The following NCKAP5 variants were observed in gnomAD, a reference collection of about 807,000 sequenced individuals.
NCKAP5 encodes NCK associated protein 5.
In NCKAP5, 92 loss-of-function variants were observed where a neutral mutation model predicts 167.0. The observed-to-expected ratio is 0.55, with a 90% CI of 0.47 to 0.66. NCKAP5 has a LOEUF of 0.66. Ranked by LOEUF, NCKAP5 falls within the 30% of genes least tolerant of loss-of-function variation. NCKAP5 has a pLI of 0.00. For missense variants in NCKAP5, 2,378 were observed against 2,315.0 expected (o/e 1.03, Z -0.56); for synonymous variants, 891 against 877.4 (o/e 1.02, Z -0.27).
chr2:132,822,087 G>A (rs1284845702), intron 11 of NCKAP5, among the ~76,000 whole-genome samples: 1 of 152,112 alleles, frequency 6.6e-6, no homozygotes, highest in Admixed American at 6.5e-5. Flanking sequence ...GCCACCTCCT[G>A]GCTGGAGGCC....
chr2:133,234,775 C>G (rs1248442708), intron 4 of NCKAP5, among the ~76,000 whole-genome samples: 1 of 151,382 alleles, frequency 6.6e-6, no homozygotes, highest in African/African-American at 2.4e-5. Flanking sequence ...AAATAGTTAC[C>G]TAAAGTTTTA....
chr2:132,673,155 C>A lies in NCKAP5; in HGVS notation c.*134G>T, dbSNP rs995936892. On this transcript the variant is annotated 3_prime_UTR_variant, in exon 20 of 20. Coordinates refer to ENST00000409261, the MANE Select transcript of NCKAP5 (RefSeq NM_207363.3). ...GATGTCTCTTCATTTTTTTCTTTTT[C>A]TTCCTTCTGTCCTTCAACCTTGTTC... The A allele has an allele frequency of 1.2e-5, 16 of 1,362,374 alleles. No homozygotes were observed. The East Asian group carries it at 3.7e-4, about 31-fold the overall frequency. 84.4% of individuals were successfully genotyped at this position (1,362,374 alleles called of 1,614,324 possible).
intron 9 of NCKAP5, among the ~76,000 whole-genome samples, chr2:132,876,175 C>T (rs913311297): frequency 6.6e-6 from 1 of 152,168 alleles, no homozygotes; most frequent in Non-Finnish European, 1.5e-5. Context: ...GCCTCGACCT[C>T]CTGGGCCCAA....
At chr2:132,748,413 A>C (rs746395233) in intron 16 of NCKAP5, among the ~76,000 whole-genome samples, 1 of 152,226 alleles carries the variant, frequency 6.6e-6, no homozygotes, top group Non-Finnish European at 1.5e-5. Context: ...TCACTCCTGG[A>C]GTGGAAATGT....
intron 8 of NCKAP5, among the ~76,000 whole-genome samples, chr2:132,955,358 T>A (rs528111967): frequency 1.5e-3 from 229 of 152,148 alleles, no homozygotes; most frequent in African/African-American, 4.9e-3. Flanking sequence ...TGGGCACATG[T>A]GGGAAGGGCC....
intron 8 of NCKAP5, among the ~76,000 whole-genome samples, chr2:132,906,075 T>C (rs961913140): frequency 2.0e-5 from 3 of 152,238 alleles, no homozygotes; most frequent in Admixed American, 6.5e-5. Flanking sequence ...TTAAAAATTA[T>C]ACATTTAGTT....
intron 3 of NCKAP5, among the ~76,000 whole-genome samples, chr2:133,377,093 T>C (rs1307973420): frequency 6.6e-6 from 1 of 152,188 alleles, no homozygotes; most frequent in East Asian, 1.9e-4. Flanking sequence ...CAGATGAGTG[T>C]CTTGTCTGGT....
intron 3 of NCKAP5, among the ~76,000 whole-genome samples, chr2:133,392,526 T>C (rs1336708194): frequency 6.6e-6 from 1 of 152,218 alleles, no homozygotes; most frequent in Non-Finnish European, 1.5e-5. Context: ...CCATAGATGG[T>C]GAACTCCTTA....
Position 133,253,303 on chromosome 2 carries a change from C to T in NCKAP5, c.144-39524G>A, listed in dbSNP as rs1038111576. ...ACTCACTCTGTGCCAGGCATTCTGC[C>T]GGACCTTTACATAACTTACTTCATC... On this transcript the variant is annotated intron_variant, in intron 4 of 19. Coordinates refer to ENST00000409261, the MANE Select transcript of NCKAP5 (RefSeq NM_207363.3). 5.3e-5 allele frequency among the ~76,000 whole-genome samples: 8 copies of T among 152,290 alleles called. No individual in the cohort carries two copies. In the South Asian group the frequency reaches 8.3e-4, roughly 16 times the overall value.
intron 8 of NCKAP5, among the ~76,000 whole-genome samples, chr2:132,888,217 A>T (rs1315341622): frequency 6.6e-6 from 1 of 152,200 alleles, no homozygotes; most frequent in African/African-American, 2.4e-5. Context: ...GTTGGCATGG[A>T]ATATGTACTT....
chr2:133,362,942 T>G lies in NCKAP5; in HGVS notation c.70-59832A>C, dbSNP rs534317184. Among the ~76,000 whole-genome samples the G allele has an allele frequency of 1.1e-4, 17 of 151,812 alleles. No individual in the cohort carries two copies. The East Asian group carries it at 2.9e-3, about 26-fold the overall frequency. On this transcript the variant is annotated intron_variant, in intron 3 of 19. Transcript: ENST00000409261. ...CTAGTTTTTTCGTTTTTTGTTTTTT[T>G]TTTTCGGTAGAGATGGGGTTTCACC...
chr2:133,380,307 A>AT (rs980853766), intron 3 of NCKAP5, among the ~76,000 whole-genome samples: 7 of 152,064 alleles, frequency 4.6e-5, no homozygotes, highest in African/African-American at 1.2e-4. Flanking sequence ...CATTGTCTAC[A>AT]TTTTTTTACA....
At chr2:133,198,267 T>C (rs2085526122) in intron 5 of NCKAP5, among the ~76,000 whole-genome samples, 1 of 151,972 alleles carries the variant, frequency 6.6e-6, no homozygotes, top group Non-Finnish European at 1.5e-5. Flanking sequence ...AATAATTTGG[T>C]GAAAGACAAA....
chr2:133,226,641 A>ACACACACACAC (rs34410874), intron 4 of NCKAP5, among the ~76,000 whole-genome samples: 1 of 149,196 alleles, frequency 6.7e-6, no homozygotes, highest in East Asian at 2.0e-4. Flanking sequence ...ACACACACAC[A>ACACACACACAC]GGAAGAACAC....
At chr2:133,237,737 C>A (rs533723328) in intron 4 of NCKAP5, among the ~76,000 whole-genome samples, 1 of 152,346 alleles carries the variant, frequency 6.6e-6, no homozygotes, top group East Asian at 1.9e-4. Context: ...AGATGTCTCA[C>A]CTCAGCATTG....
At chr2:133,485,425 T>C (rs1680825693) in intron 3 of NCKAP5, among the ~76,000 whole-genome samples, 1 of 152,182 alleles carries the variant, frequency 6.6e-6, no homozygotes, top group Non-Finnish European at 1.5e-5. Context: ...TGGCAGCTTC[T>C]AGATGACCAT....
intron 4 of NCKAP5, among the ~76,000 whole-genome samples, chr2:133,247,652 A>T (rs1163960560): frequency 6.6e-6 from 1 of 152,224 alleles, no homozygotes; most frequent in East Asian, 1.9e-4. Context: ...TGTTTTCTTT[A>T]TAGAAGCTTA....
At chr2:132,989,241 G>A (rs2077383697) in intron 7 of NCKAP5, among the ~76,000 whole-genome samples, 2 of 152,184 alleles carry the variant, frequency 1.3e-5, no homozygotes, top group South Asian at 4.1e-4. Context: ...ATGGAATGAT[G>A]CCCCTCTCCA....
chr2:132,852,273 A>G (rs1689135541), intron 11 of NCKAP5, among the ~76,000 whole-genome samples: 1 of 152,174 alleles, frequency 6.6e-6, no homozygotes, highest in South Asian at 2.1e-4. Flanking sequence ...TATCGCCTGA[A>G]TGTTTCATGC....
Sources: allele counts gnomAD v4.1 joint callset (sites outside exome capture counted in the v4.1 genomes callset), GRCh38; gene constraint gnomAD v4.1.1; transcripts MANE v1.5; gene names NCBI Gene and HGNC (gene_info 2026-07-23, HGNC 2026-07-21).